The following NOTUM variants were observed in gnomAD, a reference collection of about 807,000 sequenced individuals.
NOTUM encodes the protein palmitoleoyl-protein carboxylesterase NOTUM.
NOTUM carries 36 observed loss-of-function variants against 65.5 expected under a neutral mutation model. That is an observed-to-expected ratio of 0.55 (90% CI 0.42 to 0.73). NOTUM has a LOEUF of 0.73. Among genes scored for constraint, NOTUM ranks in the 30% least tolerant of loss-of-function variants. The pLI is 0.00. For synonymous variants in NOTUM, 356 were observed against 297.9 expected, an observed-to-expected ratio of 1.20 and a Z score of -2.01; for missense variants, 659 against 694.2, an observed-to-expected ratio of 0.95 and a Z score of 0.57.
chr17:81,957,895 G>A lies in NOTUM; in HGVS notation c.606C>T (p.Phe202=). The part of the protein sequence containing the change: ...SSKSEKNEYA[F]MGALIIQEVV... ...CCTCCTGGATGATGAGGGCGCCCAT[G>A]AAGGCGTACTCGTCTGCAAGAGGGA... Residue 202 remains phenylalanine (F), a synonymous_variant, in exon 6 of 11, where the codon TTC becomes TTT. Transcript: ENST00000409678. 6.2e-7 allele frequency: 1 copy of A among 1,603,304 alleles called. No individual in the cohort carries two copies. The highest frequency in any genetic ancestry group is 8.5e-7 in the Non-Finnish European group (1 of 1,175,384).
rs974541931 is a variant in NOTUM, at chr17:81,952,901, G to A, written c.*60C>T. The A allele has an allele frequency of 6.9e-6, 10 of 1,441,452 alleles. No individual in the cohort carries two copies. The highest frequency in any genetic ancestry group is 1.4e-5 in the African/African-American group (1 of 71,760). 89.3% of individuals were successfully genotyped at this position (1,441,452 alleles called of 1,614,324 possible). On this transcript the variant is annotated 3_prime_UTR_variant, in exon 11 of 11. Transcript: ENST00000409678. Reference sequence around the variant, plus strand: ...AGGGCCTGCTGGTGGGGGGTGAGGTGGCACTGGGGCAGCGGGTGTCTGGGC... The same window carrying A: ...AGGGCCTGCTGGTGGGGGGTGAGGTAGCACTGGGGCAGCGGGTGTCTGGGC...
chr17:81,959,665 G>A lies in NOTUM; in HGVS notation c.351C>T (p.Ser117=). 1 of 1,542,876 alleles carries A rather than the reference G, an allele frequency of 6.5e-7. No individual in the cohort carries two copies. Among genetic ancestry groups the A allele is most frequent in the Non-Finnish European group, 8.7e-7 (1 of 1,144,992 alleles). The change falls in exon 2 of 11, where the codon AGC becomes AGT. Residue 117 remains serine, a synonymous_variant. Transcript: ENST00000409678. ...CTTCCAGGAAGAGGAGCCACCGCCG[G>A]CTGCCCCTGGACTCCTTCAGGTAGT... is the stretch of plus-strand genomic sequence containing the variant. ...AGYYLKESRG[S]RRWLLFLEGG...
At position 81,958,345 on chromosome 17, in the gene NOTUM, C is replaced by T. The variant is rs1412653052; in HGVS notation, c.582G>A (p.Lys194=). 6.2e-7 allele frequency: 1 copy of T among 1,609,070 alleles called. No individual in the cohort carries two copies. The highest frequency in any genetic ancestry group is 8.5e-7 in the Non-Finnish European group (1 of 1,176,866). Residue 194 remains lysine, a synonymous_variant, in exon 5 of 11, where the codon AAG becomes AAA. Coordinates refer to ENST00000409678, the MANE Select transcript of NOTUM (RefSeq NM_178493.6). ...SSDVWSGASS[K]SEKNEYAFMG... ...AAGGCCGAGACTCACTCTTCTCAGA[C>T]TTGGATGAAGCCCCGCTCCAAACAT... is the stretch of plus-strand genomic sequence containing the variant.
intron 7 of NOTUM, 21 bp downstream of exon 7, chr17:81,956,862 G>A (rs754019140): frequency 6.9e-6 from 11 of 1,603,494 alleles, no homozygotes; most frequent in East Asian, 2.2e-5. Flanking sequence ...GCACGAGGAC[G>A]GGCCCTCCCC....
At chr17:81,955,249 G>A in intron 9 of NOTUM, 148 bp downstream of exon 9, 4 of 698,726 alleles carry the variant, frequency 5.7e-6, no homozygotes, top group Non-Finnish European at 9.2e-6. Context: ...CCAAAGTGCT[G>A]GGATTATAGG....
Position 81,956,634 on chromosome 17 carries a change from T to C in NOTUM, c.988+16A>G. 6.4e-7 allele frequency: 1 copy of C among 1,569,614 alleles called. No homozygotes were observed. Among genetic ancestry groups the C allele is most frequent in the Non-Finnish European group, 8.8e-7 (1 of 1,141,192 alleles). ...ACCCCTGCTGCCCTGTGTGCTCCGC[T>C]CTGCCGCCCACTCACAGCGCAGGGT... On this transcript the variant is annotated intron_variant, in intron 8 of 10. Coordinates refer to ENST00000409678, the MANE Select transcript of NOTUM (RefSeq NM_178493.6).
At chr17:81,955,051 G>A (rs2041420700) in intron 9 of NOTUM, among the ~76,000 whole-genome samples, 1 of 151,382 alleles carries the variant, frequency 6.6e-6, no homozygotes. Flanking sequence ...CACAATCTCA[G>A]CTCACTGCAA....
At chr17:81,958,513 C>A in intron 4 of NOTUM, 120 bp from the exon 5 acceptor site, 1 of 718,648 alleles carries the variant, frequency 1.4e-6, no homozygotes, top group Non-Finnish European at 2.5e-6. Context: ...CCTGGAAGGA[C>A]CATCCCAGGA....
chr17:81,956,336 G>A (rs1036590414), intron 8 of NOTUM, among the ~76,000 whole-genome samples: 4 of 152,144 alleles, frequency 2.6e-5, no homozygotes, highest in African/African-American at 9.7e-5. Context: ...ACTAGCCACC[G>A]GTATAGGCAG....
intron 3 of NOTUM, 139 bp downstream of exon 3, chr17:81,959,332 C>G: frequency 1.5e-6 from 1 of 663,910 alleles, no homozygotes; most frequent in Non-Finnish European, 2.6e-6. Context: ...GAGTGAAGGG[C>G]GCCCCTTGCT....
Position 81,957,927 on chromosome 17 carries a change from G to A in NOTUM, c.593-19C>T, listed in dbSNP as rs200827332. On this transcript the variant is annotated intron_variant, in intron 5 of 10. Coordinates refer to ENST00000409678, the MANE Select transcript of NOTUM (RefSeq NM_178493.6). ...TACTCGTCTGCAAGAGGGAGGGGGT[G>A]GCCTCAGGTAGGGGCCTGGACAGAG... The A allele has an allele frequency of 1.5e-5, 24 of 1,562,332 alleles. 1 individual carries two copies. The Admixed American group carries it at 3.4e-4, about 22-fold the overall frequency.
Position 81,955,488 on chromosome 17 carries a change from C to G in NOTUM, c.1045G>C (p.Val349Leu), listed in dbSNP as rs773765131. The G allele has an allele frequency of 6.2e-6, 10 of 1,611,044 alleles. No homozygotes were observed. Among genetic ancestry groups the G allele is most frequent in the Non-Finnish European group, 7.6e-6 (9 of 1,179,200 alleles). Residue 349 changes from valine (V) to leucine (L), a missense_variant, in exon 9 of 11, where the codon GTG (valine) becomes CTG (leucine). Val to Leu is a conservative substitution (Grantham distance 32). Coordinates refer to ENST00000409678, the MANE Select transcript of NOTUM (RefSeq NM_178493.6). ...FDEAQLTVDN[V>L]HLTGQPVQEG... ...TGCACCGGCTGCCCCGTCAGGTGCA[C>G]GTTGTCCACCGTCAGCTGTGCCTCG...
intron 8 of NOTUM, among the ~76,000 whole-genome samples, chr17:81,955,825 C>T (rs867027063): frequency 1.1e-4 from 11 of 98,492 alleles, no homozygotes; most frequent in Middle Eastern, 0.015. Flanking sequence ...CCCTGCAGTG[C>T]CCCCCATCCC....
intron 1 of NOTUM, 192 bp from the exon 2 acceptor site, chr17:81,959,884 G>A: frequency 4.7e-6 from 1 of 213,172 alleles, no homozygotes; most frequent in Non-Finnish European, 9.1e-6. Flanking sequence ...TCGCGGGGCG[G>A]GGAACGGGCC....
chr17:81,954,172 T>C (rs2041410272), intron 10 of NOTUM, 84 bp downstream of exon 10: 5 of 973,674 alleles, frequency 5.1e-6, no homozygotes, highest in East Asian at 2.4e-5. Context: ...AAGAGGCCCA[T>C]GGGAGGCCAA....
In NOTUM at chr17:81,958,470, C is replaced by T. The variant is rs1485555474; in HGVS notation, c.534-77G>A. ...TCCAGAAAGGACCCCCAGAACAGGA[C>T]CCTCAGAAAAGACCATCCCAGGACA... On this transcript the variant is annotated intron_variant, in intron 4 of 10. Coordinates refer to ENST00000409678, the MANE Select transcript of NOTUM (RefSeq NM_178493.6). 1.1e-5 allele frequency: 11 copies of T among 965,242 alleles called. No homozygotes were observed. In the East Asian group the frequency reaches 1.9e-4, roughly 17 times the overall value. 59.8% of individuals were successfully genotyped at this position (965,242 alleles called of 1,614,324 possible).
In NOTUM at chr17:81,960,775, G is replaced by C; in HGVS notation, c.135C>G (p.Ala45=). 6.4e-7 allele frequency: 1 copy of C among 1,570,324 alleles called. No individual in the cohort carries two copies. Among genetic ancestry groups the C allele is most frequent in the Non-Finnish European group, 8.6e-7 (1 of 1,158,994 alleles). The change falls in exon 1 of 11, where the codon GCC becomes GCG. Residue 45 remains alanine, a synonymous_variant. Coordinates refer to ENST00000409678, the MANE Select transcript of NOTUM (RefSeq NM_178493.6). This position sits in a 1 kb window ranked among gnomAD's most constrained non-coding sequence, Gnocchi z 6.4. ...PPPRTEAAPA[A]GQPVESFPLD... ...GCGGGAAGCTCTCCACGGGCTGTCC[G>C]GCCGCCGGCGCCGCCTCGGTCCGCG...
In NOTUM at chr17:81,958,292, C is replaced by T. The variant is rs967990808; in HGVS notation, c.592+43G>A. The T allele has an allele frequency of 2.9e-6, 4 of 1,390,362 alleles. No homozygotes were observed. The African/African-American group carries it at 4.2e-5, about 15-fold the overall frequency. 86.1% of individuals were successfully genotyped at this position (1,390,362 alleles called of 1,614,324 possible). ...GCCTCCTCCCTGCCCTGCCATCCGG[C>T]CCCGTCCCTGCCCTGCCATGCCCTG... is the stretch of plus-strand genomic sequence containing the variant. On this transcript the variant is annotated intron_variant, in intron 5 of 10. Coordinates refer to ENST00000409678, the MANE Select transcript of NOTUM (RefSeq NM_178493.6).
chr17:81,952,979 C>T lies in NOTUM; in HGVS notation c.1473G>A (p.Met491Ile). ...QGLEPSELLG[M>I]LSNGS ...AGTCTGCCTAGCTTCCGTTGCTCAG[C>T]ATCCCCAGCAGCTCACTGGGCTCCA... The change falls in exon 11 of 11, where the codon ATG (methionine) becomes ATA (isoleucine). Residue 491 changes from methionine to isoleucine, a missense_variant. Met to Ile is a conservative substitution (Grantham distance 10). Transcript: ENST00000409678. 6.2e-7 allele frequency: 1 copy of T among 1,613,866 alleles called. No homozygotes were observed. Among genetic ancestry groups the T allele is most frequent in the Non-Finnish European group, 8.5e-7 (1 of 1,179,964 alleles).
Sources: allele counts gnomAD v4.1 joint callset (sites outside exome capture counted in the v4.1 genomes callset), GRCh38; gene constraint gnomAD v4.1.1; non-coding constraint Gnocchi (gnomAD v3.1); transcripts MANE v1.5; gene names NCBI Gene and HGNC (gene_info 2026-07-23, HGNC 2026-07-21).